EXOC5: variants seen among roughly 807,000 people sequenced by gnomAD.
EXOC5 encodes the protein SEC10-like 1.
Under a neutral mutation model 90.8 loss-of-function variants are expected in EXOC5, and 17 were observed. The observed-to-expected ratio is 0.19, with a 90% CI of 0.13 to 0.28. The LOEUF is 0.28. EXOC5 is among the 10% of genes least tolerant of loss of function. The pLI, the probability that EXOC5 is intolerant of heterozygous loss-of-function variation, is 1.00. For missense variants in EXOC5, 569 were observed against 830.6 expected (o/e 0.69, Z 3.87); for synonymous variants, 260 against 270.0 (o/e 0.96, Z 0.36).
chr14:57,249,068 T>C (rs1219146905), intron 1 of EXOC5, among the ~76,000 whole-genome samples: 1 of 152,152 alleles, frequency 6.6e-6, no homozygotes, highest in Admixed American at 6.5e-5. Flanking sequence ...AATACCCCTA[T>C]ATAATGAAAT....
intron 15 of EXOC5, among the ~76,000 whole-genome samples, chr14:57,217,459 ATC>A (rs1301732445): frequency 1.3e-5 from 2 of 152,198 alleles, no homozygotes; most frequent in East Asian, 3.9e-4. Context: ...TTACTGCTAA[ATC>A]TGTTATGGTG....
At chr14:57,224,832 C>T (rs1281648338) in intron 12 of EXOC5, among the ~76,000 whole-genome samples, 2 of 152,094 alleles carry the variant, frequency 1.3e-5, no homozygotes, top group Non-Finnish European at 2.9e-5. Flanking sequence ...GAAGCCGAGG[C>T]GGGCGGATCA....
intron 15 of EXOC5, among the ~76,000 whole-genome samples, chr14:57,216,306 T>C (rs74683090): frequency 0.019 from 2,845 of 151,308 alleles, 46 homozygotes; most frequent in African/African-American, 0.037. Flanking sequence ...AAAATTCTTA[T>C]GGAACCAGAA....
In EXOC5 at chr14:57,205,067, A is replaced by C. The variant is rs1412331587; in HGVS notation, c.*3542T>G. 1 of 151,990 alleles carries C rather than the reference A, an allele frequency of 6.6e-6. No homozygotes were observed. Among genetic ancestry groups the C allele is most frequent in the African/African-American group, 2.4e-5 (1 of 41,440 alleles). The allele number at this position is 151,990 out of a possible 1,614,324, so 9.4% of individuals were successfully genotyped here. On this transcript the variant is annotated 3_prime_UTR_variant, in exon 18 of 18. Transcript: ENST00000621441. ...TATCTTTCTATGCATTAGGTTTTTCATCTGTCAAATGGAAATAATAGTACC... is the reference window on the plus strand; with the variant it reads ...TATCTTTCTATGCATTAGGTTTTTCCTCTGTCAAATGGAAATAATAGTACC...
rs547676439 is a variant in EXOC5 at position 57,268,816 on chromosome 14, T to G, written c.-168A>C. 3 of 1,389,366 alleles carry G rather than the reference T, an allele frequency of 2.2e-6. No homozygotes were observed. Among genetic ancestry groups the G allele is most frequent in the Non-Finnish European group, 2.8e-6 (3 of 1,077,538 alleles). 86.1% of individuals were successfully genotyped at this position (1,389,366 alleles called of 1,614,324 possible). A position where few individuals can be genotyped will look rare whatever the true frequency, so the allele number is the denominator to read the frequency against. ...CCCAGGAGGGGCGGGAGAGCGGCCATGAAGCGAAGCCGCAAACGCTTGTCA... is the reference window on the plus strand; with the variant it reads ...CCCAGGAGGGGCGGGAGAGCGGCCAGGAAGCGAAGCCGCAAACGCTTGTCA... On this transcript the variant is annotated 5_prime_UTR_variant, in exon 1 of 18. The change abolishes an upstream ATG in the 5' untranslated region. Transcript: ENST00000621441.
intron 13 of EXOC5, among the ~76,000 whole-genome samples, chr14:57,222,081 AC>A (rs1396278837): frequency 6.6e-6 from 1 of 152,120 alleles, no homozygotes; most frequent in African/African-American, 2.4e-5. Flanking sequence ...CATTGTAGTG[AC>A]TTAAGTAGCT....
rs531323224 is a variant in EXOC5 at position 57,209,401 on chromosome 14, T to A, written c.1938+166A>T. Among the ~76,000 whole-genome samples, 135 of 151,806 alleles carry A rather than the reference T, an allele frequency of 8.9e-4. 1 individual carries two copies. Among genetic ancestry groups the A allele is most frequent in the Admixed American group, 2.0e-3 (31 of 15,236 alleles). On this transcript the variant is annotated intron_variant, in intron 17 of 17. Coordinates refer to ENST00000621441, the MANE Select transcript of EXOC5 (RefSeq NM_006544.4). ...ATTTAAAATTTAAAATAAAAAAAAA[T>A]AATAATTGGAACAACACTGTTTCAG...
chr14:57,255,204 A>T (rs1884316629), intron 1 of EXOC5, among the ~76,000 whole-genome samples: 1 of 152,158 alleles, frequency 6.6e-6, no homozygotes, highest in Non-Finnish European at 1.5e-5. Context: ...GAAACCAAAT[A>T]TCTAGCCTAA....
intron 15 of EXOC5, among the ~76,000 whole-genome samples, chr14:57,215,205 C>A (rs1882938025): frequency 6.6e-6 from 1 of 151,392 alleles, no homozygotes; most frequent in African/African-American, 2.4e-5. Context: ...GGACTCCAGC[C>A]TGGGCAACAG....
rs868243004 is a variant in EXOC5, at chr14:57,253,288, G to A, written c.28-5576C>T. Among the ~76,000 whole-genome samples the A allele has an allele frequency of 2.0e-5, 3 of 152,134 alleles. No homozygotes were observed. The South Asian group carries it at 6.2e-4, about 32-fold the overall frequency. On this transcript the variant is annotated intron_variant, in intron 1 of 17. Coordinates refer to ENST00000621441, the MANE Select transcript of EXOC5 (RefSeq NM_006544.4). Reference sequence around the variant, plus strand: ...TATAAAAACAATTCCATTTACAACAGCACCAAAAAGAACAAAGTATTTAGG... The same window carrying A: ...TATAAAAACAATTCCATTTACAACAACACCAAAAAGAACAAAGTATTTAGG...
At chr14:57,240,725 G>A (rs1300655220) in intron 4 of EXOC5, among the ~76,000 whole-genome samples, 1 of 152,130 alleles carries the variant, frequency 6.6e-6, no homozygotes, top group Non-Finnish European at 1.5e-5. Context: ...TCTCAAACTA[G>A]TTCTCAGTTT....
At chr14:57,243,286 C>T (rs540175032) in intron 4 of EXOC5, 62 of 152,262 alleles carry the variant, frequency 4.1e-4, no homozygotes, top group African/African-American at 1.5e-3. Flanking sequence ...ATTATCTGTA[C>T]ACACATAACT....
intron 11 of EXOC5, among the ~76,000 whole-genome samples, chr14:57,230,115 A>G (rs1020842991): frequency 2.6e-5 from 4 of 152,290 alleles, no homozygotes; most frequent in African/African-American, 9.6e-5. Context: ...GTTGCTTTAC[A>G]ATTCAGCCTT....
chr14:57,239,624 G>A lies in EXOC5; in HGVS notation c.501C>T (p.His167=). Residue 167 remains histidine (H), a synonymous_variant, in exon 5 of 18, where the codon CAC becomes CAT. Transcript: ENST00000621441. ...KEAADIIQKL[H]LIAQELPFDR... The stretch of plus-strand genomic sequence containing the variant: ...CAAAAGGTAACTCTTGGGCAATTAG[G>A]TGCAACTTCTGAATGATGTCTGCTG... The A allele has an allele frequency of 1.9e-6, 3 of 1,543,948 alleles. No homozygotes were observed. The highest frequency in any genetic ancestry group is 2.6e-6 in the Non-Finnish European group (3 of 1,143,226).
chr14:57,215,837 G>C (rs891741516), intron 15 of EXOC5, among the ~76,000 whole-genome samples: 2 of 151,992 alleles, frequency 1.3e-5, no homozygotes, highest in African/African-American at 4.8e-5. Context: ...AGAGCAGTTA[G>C]GCAAGAAAAA....
chr14:57,266,105 TTTAA>T (rs1170247474), intron 1 of EXOC5, among the ~76,000 whole-genome samples: 4 of 152,240 alleles, frequency 2.6e-5, no homozygotes, highest in Non-Finnish European at 5.9e-5. Flanking sequence ...TTTGTTTTCA[TTTAA>T]CTTCTCCTAA....
chr14:57,204,077 C>A lies in EXOC5; in HGVS notation c.*4532G>T, dbSNP rs926132789. The A allele has an allele frequency of 1.1e-4, 17 of 152,306 alleles. No individual in the cohort carries two copies. The highest frequency in any genetic ancestry group is 3.9e-4 in the African/African-American group (16 of 41,438). The allele number at this position is 152,306 out of a possible 1,614,324, so 9.4% of individuals were successfully genotyped here. ...GTGAGGCAGACTGCAACCTTCTAAACCACTTAGAAAATGGGCGAGTGTGTT... is the reference window on the plus strand; with the variant it reads ...GTGAGGCAGACTGCAACCTTCTAAAACACTTAGAAAATGGGCGAGTGTGTT... On this transcript the variant is annotated 3_prime_UTR_variant, in exon 18 of 18. Transcript: ENST00000621441.
At chr14:57,230,798 C>T (rs1483807769) in intron 11 of EXOC5, among the ~76,000 whole-genome samples, 1 of 151,830 alleles carries the variant, frequency 6.6e-6, no homozygotes, top group East Asian at 1.9e-4. Flanking sequence ...GAACAAAACT[C>T]ATCAATTCAA....
In EXOC5 at chr14:57,265,312, T is replaced by C. The variant is rs138477027; in HGVS notation, c.27+3310A>G. On this transcript the variant is annotated intron_variant, in intron 1 of 17. Transcript: ENST00000621441. ...CTAACCAAGAACTCTCCCGTAATGGTAGCCCAAACAGAGAAAAGCGAAGAT... is the reference window on the plus strand; with the variant it reads ...CTAACCAAGAACTCTCCCGTAATGGCAGCCCAAACAGAGAAAAGCGAAGAT... 1.6e-3 allele frequency among the ~76,000 whole-genome samples: 250 copies of C among 152,220 alleles called. 2 individuals carry two copies. Among genetic ancestry groups the C allele is most frequent in the Non-Finnish European group, 2.7e-3 (187 of 68,008 alleles).
Sources: allele counts gnomAD v4.1 joint callset (sites outside exome capture counted in the v4.1 genomes callset), GRCh38; gene constraint gnomAD v4.1.1; transcripts MANE v1.5; gene names NCBI Gene and HGNC (gene_info 2026-07-23, HGNC 2026-07-21).